ADGRB3: variants seen among roughly 807,000 people sequenced by gnomAD.
ADGRB3 encodes brain-specific angiogenesis inhibitor 3.
Under a neutral mutation model 193.4 loss-of-function variants are expected in ADGRB3, and 37 were observed. The observed-to-expected ratio is 0.19, with a 90% CI of 0.15 to 0.25. The LOEUF (loss-of-function observed/expected upper bound fraction) is 0.25, where lower values mean the gene tolerates loss of function less well. Among genes scored for constraint, ADGRB3 ranks in the 10% least tolerant of loss-of-function variants. The pLI is 1.00. For missense variants in ADGRB3, 1,637 were observed against 1,852.9 expected, an observed-to-expected ratio of 0.88 and a Z score of 2.14; for synonymous variants, 690 against 644.2, an observed-to-expected ratio of 1.07 and a Z score of -1.08.
At chr6:68,949,506 G>A (rs1342690572) in intron 6 of ADGRB3, among the ~76,000 whole-genome samples, 2 of 152,264 alleles carry the variant, frequency 1.3e-5, no homozygotes, top group East Asian at 3.9e-4. Flanking sequence ...TAAAATTTTG[G>A]TCTACAGCAT....
At chr6:68,895,254 A>G (rs1307236078) in intron 3 of ADGRB3, among the ~76,000 whole-genome samples, 1 of 151,018 alleles carries the variant, frequency 6.6e-6, no homozygotes, top group East Asian at 1.9e-4. Context: ...TGCTGTGAAG[A>G]GTACACTTCC....
At chr6:69,294,552 G>A (rs186980578) in intron 20 of ADGRB3, among the ~76,000 whole-genome samples, 4 of 152,008 alleles carry the variant, frequency 2.6e-5, no homozygotes, top group Admixed American at 6.6e-5. Flanking sequence ...TCTACAATTC[G>A]CTCCGACACT....
chr6:69,367,244 G>A (rs1482359912), intron 29 of ADGRB3, among the ~76,000 whole-genome samples: 1 of 152,086 alleles, frequency 6.6e-6, no homozygotes, highest in African/African-American at 2.4e-5. Context: ...TTAAGATGAA[G>A]TTAAAATGCA....
At chr6:68,749,394 TTA>T (rs1447436271) in intron 3 of ADGRB3, among the ~76,000 whole-genome samples, 212 of 137,370 alleles carry the variant, frequency 1.5e-3, no homozygotes, top group East Asian at 0.011. Context: ...AAACTCCCCT[TTA>T]TATATATATA....
chr6:68,783,213 G>T (rs1381373840), intron 3 of ADGRB3, among the ~76,000 whole-genome samples: 1 of 150,212 alleles, frequency 6.7e-6, no homozygotes, highest in Non-Finnish European at 1.5e-5. Flanking sequence ...CGGTGACAAG[G>T]TTGAACAGCC....
intron 3 of ADGRB3, among the ~76,000 whole-genome samples, chr6:68,733,264 T>C (rs1406096680): frequency 6.7e-6 from 1 of 148,464 alleles, no homozygotes; most frequent in Non-Finnish European, 1.5e-5. Flanking sequence ...TATAGGAATA[T>C]GTATATATTC....
intron 17 of ADGRB3, among the ~76,000 whole-genome samples, chr6:69,079,452 A>G (rs978667541): frequency 1.1e-4 from 16 of 152,078 alleles, no homozygotes; most frequent in African/African-American, 3.6e-4. Context: ...ATTTATGGCA[A>G]ACCTACAGCC....
intron 10 of ADGRB3, among the ~76,000 whole-genome samples, chr6:68,992,156 A>G (rs1251512036): frequency 1.3e-5 from 2 of 152,208 alleles, no homozygotes; most frequent in Admixed American, 1.3e-4. Flanking sequence ...AGATAACAAG[A>G]GAAGGCTTTG....
chr6:69,359,119 A>G (rs963937789), intron 28 of ADGRB3, among the ~76,000 whole-genome samples: 3 of 151,760 alleles, frequency 2.0e-5, no homozygotes, highest in African/African-American at 7.2e-5. Context: ...ATATATTTTA[A>G]TGAAACAAAA....
At chr6:69,365,771 G>C (rs1769554895) in intron 29 of ADGRB3, among the ~76,000 whole-genome samples, 1 of 151,898 alleles carries the variant, frequency 6.6e-6, no homozygotes, top group Non-Finnish European at 1.5e-5. Context: ...GTTTTTCTCT[G>C]GACATGAATT....
intron 3 of ADGRB3, among the ~76,000 whole-genome samples, chr6:68,861,472 G>A (rs1346827206): frequency 6.6e-6 from 1 of 152,092 alleles, no homozygotes; most frequent in African/African-American, 2.4e-5. Context: ...GGAGGCAGGA[G>A]AATGGCGTGA....
chr6:68,814,211 G>A (rs28783441), intron 3 of ADGRB3, among the ~76,000 whole-genome samples: 2,500 of 152,136 alleles, frequency 0.016, 70 homozygotes, highest in East Asian at 0.092. Flanking sequence ...CATCCTCTCC[G>A]GCACCTGTTG....
chr6:69,376,538 A>G (rs1041891388), intron 30 of ADGRB3, among the ~76,000 whole-genome samples: 1 of 152,056 alleles, frequency 6.6e-6, no homozygotes, highest in Non-Finnish European at 1.5e-5. Context: ...CAGGGTAATC[A>G]CAAATCCCCA....
At chr6:69,289,645 T>C (rs1419809951) in intron 20 of ADGRB3, among the ~76,000 whole-genome samples, 2 of 152,160 alleles carry the variant, frequency 1.3e-5, no homozygotes, top group African/African-American at 4.8e-5. Context: ...ATGACAAACC[T>C]GGACCAAGGC....
chr6:68,727,618 A>G (rs1304702701), intron 3 of ADGRB3, among the ~76,000 whole-genome samples: 4 of 151,564 alleles, frequency 2.6e-5, no homozygotes, highest in Non-Finnish European at 5.9e-5. Flanking sequence ...GACTAAAAAA[A>G]AGTTCATCAT....
At chr6:68,884,905 G>A (rs1283026281) in intron 3 of ADGRB3, among the ~76,000 whole-genome samples, 1 of 152,094 alleles carries the variant, frequency 6.6e-6, no homozygotes, top group Non-Finnish European at 1.5e-5. Flanking sequence ...CCTCCTAGAA[G>A]TACTCATACA....
At chr6:68,758,476 C>G (rs528345298) in intron 3 of ADGRB3, among the ~76,000 whole-genome samples, 55 of 152,206 alleles carry the variant, frequency 3.6e-4, no homozygotes, top group African/African-American at 1.3e-3. Flanking sequence ...CATTGTGTCC[C>G]TTTCTTTGTA....
intron 10 of ADGRB3, among the ~76,000 whole-genome samples, chr6:68,990,245 T>A (rs922132060): frequency 2.0e-5 from 3 of 152,180 alleles, no homozygotes; most frequent in African/African-American, 7.2e-5. Flanking sequence ...AGTATGCATG[T>A]GTTGTGGATA....
At chr6:68,690,217 C>T (rs993104099) in intron 3 of ADGRB3, among the ~76,000 whole-genome samples, 21 of 152,106 alleles carry the variant, frequency 1.4e-4, no homozygotes, top group Admixed American at 1.2e-3. Context: ...TTAGCCTTTA[C>T]GTGCTACTGA....
Sources: gnomAD v4.1 joint callset for allele counts (sites outside exome capture counted in the v4.1 genomes callset) on GRCh38, gnomAD v4.1.1 for gene constraint, MANE v1.5 for transcripts, NCBI Gene and HGNC (gene_info 2026-07-23, HGNC 2026-07-21) for gene names.